HIVEP3: variants seen among roughly 807,000 people sequenced by gnomAD.
HIVEP3 encodes HIVEP zinc finger 3, also known as transcription factor HIVEP3.
Under a neutral mutation model 152.8 loss-of-function variants are expected in HIVEP3, and 49 were observed. The ratio of observed to expected loss-of-function variants is 0.32; its 90% CI spans 0.26 to 0.41. The LOEUF (loss-of-function observed/expected upper bound fraction) is 0.41, where lower values mean the gene tolerates loss of function less well. Among genes scored for constraint, HIVEP3 ranks in the 10% least tolerant of loss-of-function variants. The pLI is 1.00. For missense variants in HIVEP3, 2,790 were observed against 3,103.3 expected (o/e 0.90, Z 2.40); for synonymous variants, 1,269 against 1,289.0 (o/e 0.98, Z 0.33).
At chr1:41,989,785 C>T (rs910084661) in intron 1 of HIVEP3, among the ~76,000 whole-genome samples, 7 of 151,242 alleles carry the variant, frequency 4.6e-5, no homozygotes, top group Non-Finnish European at 8.8e-5. Context: ...GTAGATCTTC[C>T]TCCATCCTTT....
intron 1 of HIVEP3, among the ~76,000 whole-genome samples, chr1:41,865,872 CA>C (rs1187275215): frequency 5.9e-5 from 9 of 151,650 alleles, no homozygotes; most frequent in Admixed American, 2.6e-4. Flanking sequence ...TGGGATTTGG[CA>C]AAAAGGAAAA....
At chr1:41,555,708 C>T (rs1236534128) in intron 5 of HIVEP3, among the ~76,000 whole-genome samples, 1 of 152,220 alleles carries the variant, frequency 6.6e-6, no homozygotes, top group African/African-American at 2.4e-5. Context: ...TTACCACCAT[C>T]CAGCTCCACG....
At chr1:41,607,884 A>G (rs1644843931) in intron 3 of HIVEP3, among the ~76,000 whole-genome samples, 1 of 152,234 alleles carries the variant, frequency 6.6e-6, no homozygotes, top group South Asian at 2.1e-4. Flanking sequence ...TGATATCCAC[A>G]GCACATGACT....
In HIVEP3 at chr1:41,841,382, G is replaced by A. The variant is rs188961622; in HGVS notation, c.-801+77031C>T. 1.3e-3 allele frequency among the ~76,000 whole-genome samples: 192 copies of A among 150,054 alleles called. 1 individual carries two copies. The highest frequency in any genetic ancestry group is 2.4e-3 in the Non-Finnish European group (162 of 67,832). ...ATTAAATCAATTCTTTAAACAGGCAGCCAACACCAAGTTTTGACAATGCAT... is the reference window on the plus strand; with the variant it reads ...ATTAAATCAATTCTTTAAACAGGCAACCAACACCAAGTTTTGACAATGCAT... On this transcript the variant is annotated intron_variant, in intron 1 of 8. Coordinates refer to ENST00000372583, the MANE Select transcript of HIVEP3 (RefSeq NM_024503.5).
At position 41,877,507 on chromosome 1, in the gene HIVEP3, T is replaced by C. The variant is rs192059378; in HGVS notation, c.-801+40906A>G. The stretch of plus-strand genomic sequence containing the variant: ...TATTTGTGAATGAATTCTAGGATTG[T>C]ATTTGCAGAGTCACTCCTGTTGGAT... On this transcript the variant is annotated intron_variant, in intron 1 of 8. Transcript: ENST00000372583. 5.2e-3 allele frequency among the ~76,000 whole-genome samples: 791 copies of C among 152,332 alleles called. 6 individuals are homozygous for C. Among genetic ancestry groups the C allele is most frequent in the Middle Eastern group, 0.024 (7 of 294 alleles).
At chr1:41,596,537 G>A (rs1024341232) in intron 3 of HIVEP3, among the ~76,000 whole-genome samples, 4 of 152,176 alleles carry the variant, frequency 2.6e-5, no homozygotes, top group African/African-American at 4.8e-5. Flanking sequence ...CCCCTGGCCT[G>A]GGCAGGAACT....
intron 5 of HIVEP3, among the ~76,000 whole-genome samples, chr1:41,546,263 C>A (rs931927339): frequency 1.3e-5 from 2 of 152,192 alleles, no homozygotes. Flanking sequence ...AAAGTGAGGA[C>A]TGTAGTGGAG....
chr1:42,033,272 T>C (rs1407526835), intron 1 of HIVEP3, among the ~76,000 whole-genome samples: 4 of 152,332 alleles, frequency 2.6e-5, no homozygotes, highest in Non-Finnish European at 4.4e-5. Flanking sequence ...GCTCCTCACA[T>C]GGTCCTGCAC....
chr1:41,632,393 G>A (rs1645208018), intron 2 of HIVEP3, among the ~76,000 whole-genome samples: 1 of 152,160 alleles, frequency 6.6e-6, no homozygotes, highest in Non-Finnish European at 1.5e-5. Context: ...GTGTCTGAAT[G>A]TGTAAGAGAG....
intron 3 of HIVEP3, among the ~76,000 whole-genome samples, chr1:41,597,775 CT>C (rs1005629333): frequency 6.6e-6 from 1 of 152,138 alleles, no homozygotes; most frequent in South Asian, 2.1e-4. Flanking sequence ...GCTTGTTAAC[CT>C]TTTTTTACCT....
At chr1:41,684,787 G>A (rs1646090484) in intron 2 of HIVEP3, among the ~76,000 whole-genome samples, 1 of 152,204 alleles carries the variant, frequency 6.6e-6, no homozygotes, top group African/African-American at 2.4e-5. Flanking sequence ...GACTATGCTA[G>A]GTGTGTTTAC....
chr1:41,967,433 C>G (rs1645205524), intron 1 of HIVEP3, among the ~76,000 whole-genome samples: 1 of 152,158 alleles, frequency 6.6e-6, no homozygotes, highest in African/African-American at 2.4e-5. Flanking sequence ...AATTGAACAA[C>G]CTGCTCCTGA....
At chr1:41,854,639 G>C (rs1179581696) in intron 1 of HIVEP3, among the ~76,000 whole-genome samples, 1 of 113,828 alleles carries the variant, frequency 8.8e-6, no homozygotes, top group Admixed American at 8.8e-5. Flanking sequence ...GTGTCATCTA[G>C]CATTAGGTAT....
intron 2 of HIVEP3, among the ~76,000 whole-genome samples, chr1:41,655,515 G>A (rs1348470724): frequency 1.4e-5 from 2 of 143,500 alleles, no homozygotes; most frequent in Non-Finnish European, 3.0e-5. Context: ...CCCAGGAGGC[G>A]AAGGTTGTAG....
intron 1 of HIVEP3, among the ~76,000 whole-genome samples, chr1:41,814,184 C>T (rs1414466125): frequency 2.6e-5 from 4 of 152,200 alleles, no homozygotes; most frequent in South Asian, 2.1e-4. Flanking sequence ...AGCCCCAGTA[C>T]GTCATGTCTG....
intron 3 of HIVEP3, among the ~76,000 whole-genome samples, chr1:41,620,552 T>C (rs1042334075): frequency 6.6e-6 from 1 of 152,124 alleles, no homozygotes; most frequent in Admixed American, 6.5e-5. Context: ...ATCCCCTGCT[T>C]TTCTCTCTCT....
chr1:41,953,817 AC>A (rs1362233337), intron 1 of HIVEP3, among the ~76,000 whole-genome samples: 1 of 152,248 alleles, frequency 6.6e-6, no homozygotes, highest in Non-Finnish European at 1.5e-5. Flanking sequence ...GAAGAGGAAT[AC>A]CAATGAATTG....
intron 6 of HIVEP3, among the ~76,000 whole-genome samples, chr1:41,520,428 A>G (rs879428154): frequency 6.6e-5 from 10 of 152,244 alleles, no homozygotes; most frequent in Non-Finnish European, 1.2e-4. Flanking sequence ...TCTTGTAGCC[A>G]GAGGGTCCTC....
chr1:41,683,517 AG>A (rs1314335377), intron 2 of HIVEP3, among the ~76,000 whole-genome samples: 1 of 152,212 alleles, frequency 6.6e-6, no homozygotes, highest in Non-Finnish European at 1.5e-5. Context: ...TGGAGTCCTT[AG>A]GGATAAGTTT....
Sources: allele counts gnomAD v4.1 joint callset (sites outside exome capture counted in the v4.1 genomes callset), GRCh38; gene constraint gnomAD v4.1.1; transcripts MANE v1.5; gene names NCBI Gene and HGNC (gene_info 2026-07-23, HGNC 2026-07-21).